The following CEP70 variants were observed in gnomAD, a reference collection of about 807,000 sequenced individuals.
CEP70 encodes the protein centrosomal protein 70.
A neutral mutation model predicts 90.9 loss-of-function variants in CEP70; 70 were observed. That is an observed-to-expected ratio of 0.77 (90% CI 0.64 to 0.94). The LOEUF (loss-of-function observed/expected upper bound fraction) is 0.94. Among genes scored for constraint, CEP70 ranks in the 40% least tolerant of loss-of-function variants. The pLI is 0.00. For synonymous variants in CEP70, 220 were observed against 228.3 expected (o/e 0.96, Z 0.33); for missense variants, 648 against 669.0 (o/e 0.97, Z 0.35).
At chr3:138,518,932 G>GA (rs1034062458) in intron 11 of CEP70, among the ~76,000 whole-genome samples, 13 of 151,856 alleles carry the variant, frequency 8.6e-5, no homozygotes, top group African/African-American at 2.4e-4. Flanking sequence ...TAAAAACCTT[G>GA]AAAAAAAATT....
At chr3:138,502,034 A>C (rs2034559482) in intron 13 of CEP70, among the ~76,000 whole-genome samples, 2 of 152,196 alleles carry the variant, frequency 1.3e-5, no homozygotes, top group South Asian at 4.1e-4. Context: ...GTCCTTTAGA[A>C]CAACGCTGTC....
In CEP70 at chr3:138,521,570, G is replaced by A. The variant is rs183784979; in HGVS notation, c.944+3920C>T. Reference sequence around the variant, plus strand: ...GGGATGTGAGGAGCGCCTCTGCCCGGCCGCCCTGTCTGGGAGGTGAGGAGC... The same window carrying A: ...GGGATGTGAGGAGCGCCTCTGCCCGACCGCCCTGTCTGGGAGGTGAGGAGC... On this transcript the variant is annotated intron_variant, in intron 11 of 17. Coordinates refer to ENST00000264982, the MANE Select transcript of CEP70 (RefSeq NM_024491.4). Among the ~76,000 whole-genome samples the A allele has an allele frequency of 5.4e-3, 810 of 150,922 alleles. 10 individuals carry two copies. The highest frequency in any genetic ancestry group is 0.019 in the African/African-American group (779 of 40,948).
At chr3:138,513,958 AAAAAAAC>A (rs1240523222) in intron 11 of CEP70, among the ~76,000 whole-genome samples, 2 of 151,916 alleles carry the variant, frequency 1.3e-5, no homozygotes, top group Admixed American at 6.6e-5. Context: ...AATCTAAAAA[AAAAAAAC>A]AAACAAACTC....
At chr3:138,498,172 A>C in intron 16 of CEP70, 62 bp from the exon 17 acceptor site, 2 of 1,166,990 alleles carry the variant, frequency 1.7e-6, no homozygotes, top group Non-Finnish European at 2.5e-6. Context: ...ATCTGATTGC[A>C]AACAGAACAT....
intron 6 of CEP70, 89 bp from the exon 7 acceptor site, chr3:138,537,436 G>A: frequency 1.2e-6 from 1 of 831,230 alleles, no homozygotes; most frequent in Non-Finnish European, 1.7e-6. Flanking sequence ...CATCTTCATA[G>A]TTTCTACTGA....
intron 2 of CEP70, among the ~76,000 whole-genome samples, chr3:138,583,107 T>C (rs2041948755): frequency 6.6e-6 from 1 of 151,980 alleles, no homozygotes; most frequent in Admixed American, 6.6e-5. Flanking sequence ...GACTGAAAAT[T>C]AAGAAATGGA....
intron 6 of CEP70, among the ~76,000 whole-genome samples, chr3:138,561,710 G>C (rs2040418761): frequency 1.3e-5 from 2 of 152,100 alleles, no homozygotes; most frequent in Non-Finnish European, 1.5e-5. Flanking sequence ...ACCTGATGGA[G>C]CTGAAAAACA....
chr3:138,551,755 A>T (rs1304929841), intron 6 of CEP70, among the ~76,000 whole-genome samples: 2 of 137,602 alleles, frequency 1.5e-5, no homozygotes, highest in African/African-American at 5.8e-5. Flanking sequence ...TAAAAAAAAA[A>T]AAATAAAATA....
At chr3:138,514,667 T>C (rs1032573761) in intron 11 of CEP70, among the ~76,000 whole-genome samples, 17 of 152,100 alleles carry the variant, frequency 1.1e-4, no homozygotes, top group African/African-American at 3.9e-4. Flanking sequence ...GTTTTTAAAA[T>C]CTTTTTTAAG....
chr3:138,534,014 G>C lies in CEP70; in HGVS notation c.636-1444C>G, dbSNP rs1280200994. Among the ~76,000 whole-genome samples the C allele has an allele frequency of 2.0e-5, 3 of 152,166 alleles. No individual in the cohort carries two copies. The East Asian group carries it at 5.8e-4, about 29-fold the overall frequency. Reference sequence around the variant, plus strand: ...TTAGCCAGGATGGTCTCGATCTCCTGACCTCGTGATCCGCCCGCCTCGGCC... The same window carrying C: ...TTAGCCAGGATGGTCTCGATCTCCTCACCTCGTGATCCGCCCGCCTCGGCC... On this transcript the variant is annotated intron_variant, in intron 7 of 17. Coordinates refer to ENST00000264982, the MANE Select transcript of CEP70 (RefSeq NM_024491.4).
chr3:138,581,888 A>C lies in CEP70; in HGVS notation c.-5-8956T>G, dbSNP rs566920023. Reference sequence around the variant, plus strand: ...TTAATAAGCTCCCAAGGTCAAGAAAAAAAAAATTCTGTAAGCAGAAAGAGA... The same window carrying C: ...TTAATAAGCTCCCAAGGTCAAGAAACAAAAAATTCTGTAAGCAGAAAGAGA... On this transcript the variant is annotated intron_variant, in intron 2 of 17. Coordinates refer to ENST00000264982, the MANE Select transcript of CEP70 (RefSeq NM_024491.4). 3.9e-5 allele frequency among the ~76,000 whole-genome samples: 6 copies of C among 152,174 alleles called. No homozygotes were observed. In the South Asian group the frequency reaches 1.2e-3, roughly 32 times the overall value.
chr3:138,532,203 T>C (rs1350763238), intron 8 of CEP70, among the ~76,000 whole-genome samples: 2 of 152,142 alleles, frequency 1.3e-5, no homozygotes, highest in Non-Finnish European at 2.9e-5. Context: ...CGGATATACT[T>C]GGTAACTACC....
chr3:138,517,733 C>T (rs1381784976), intron 11 of CEP70, among the ~76,000 whole-genome samples: 4 of 152,184 alleles, frequency 2.6e-5, no homozygotes, highest in Non-Finnish European at 5.9e-5. Context: ...GGAACAGCTC[C>T]AGTCTACAAC....
intron 13 of CEP70, among the ~76,000 whole-genome samples, chr3:138,502,916 TACA>T (rs998046987): frequency 5.5e-4 from 84 of 152,264 alleles, no homozygotes; most frequent in African/African-American, 2.0e-3. Context: ...TGGGGAAAGC[TACA>T]ACATCTGTAG....
chr3:138,560,130 C>T (rs888969620), intron 6 of CEP70, among the ~76,000 whole-genome samples: 6 of 152,236 alleles, frequency 3.9e-5, no homozygotes, highest in South Asian at 4.2e-4. Flanking sequence ...ATGCAGAAGG[C>T]GGGTGATTTC....
intron 16 of CEP70, 200 bp downstream of exon 16, chr3:138,499,910 C>A: frequency 2.1e-6 from 1 of 486,160 alleles, no homozygotes; most frequent in Non-Finnish European, 3.8e-6. Flanking sequence ...TTAATTTCAC[C>A]CCTCCAGGAA....
At chr3:138,534,283 ACT>A (rs1393813708) in intron 7 of CEP70, among the ~76,000 whole-genome samples, 3 of 151,922 alleles carry the variant, frequency 2.0e-5, no homozygotes, top group Non-Finnish European at 2.9e-5. Context: ...TTTCTAGATT[ACT>A]CTTTTTCTCT....
chr3:138,546,843 C>A (rs897575205), intron 6 of CEP70, among the ~76,000 whole-genome samples: 1 of 152,050 alleles, frequency 6.6e-6, no homozygotes, highest in Non-Finnish European at 1.5e-5. Flanking sequence ...AACCCTTTTC[C>A]CTACCTGGCC....
chr3:138,569,576 T>C (rs1560432286), intron 6 of CEP70, among the ~76,000 whole-genome samples: 1 of 152,158 alleles, frequency 6.6e-6, no homozygotes, highest in Non-Finnish European at 1.5e-5. Flanking sequence ...CATAAAAAGT[T>C]GTAGATGCCA....
Sources: gnomAD v4.1 joint callset for allele counts (sites outside exome capture counted in the v4.1 genomes callset) on GRCh38, gnomAD v4.1.1 for gene constraint, MANE v1.5 for transcripts, NCBI Gene and HGNC (gene_info 2026-07-23, HGNC 2026-07-21) for gene names.